The following PCDHGB1 variants were observed in gnomAD, a reference collection of about 807,000 sequenced individuals.
The protein encoded by PCDHGB1 is protocadherin gamma-B1.
PCDHGB1 carries 34 observed loss-of-function variants against 56.6 expected under a neutral mutation model. The observed-to-expected ratio is 0.60, with a 90% confidence interval of 0.46 to 0.80. PCDHGB1 has a LOEUF of 0.80. Among genes scored for constraint, PCDHGB1 ranks in the 30% least tolerant of loss-of-function variants. PCDHGB1 has a pLI of 0.00. For synonymous variants in PCDHGB1, 561 were observed against 505.9 expected (o/e 1.11, Z -1.46); for missense variants, 1,278 against 1,204.6 (o/e 1.06, Z -0.90).
At chr5:141,460,951 G>GTATATATATA (rs200454978) in intron 1 of PCDHGB1, among the ~76,000 whole-genome samples, 1 of 139,722 alleles carries the variant, frequency 7.2e-6, no homozygotes, top group African/African-American at 2.8e-5. Context: ...TATGTATTAT[G>GTATATATATA]TATATATATA....
rs747588958 is a variant in PCDHGB1 at position 141,370,424 on chromosome 5, A to C, written c.2409+17755A>C. 5 of 1,587,984 alleles carry C rather than the reference A, an allele frequency of 3.1e-6. No individual in the cohort carries two copies. The South Asian group carries it at 4.6e-5, about 15-fold the overall frequency. The stretch of plus-strand genomic sequence containing the variant: ...GAAATAGCTCCGGATGGAGGGGCCC[A>C]GCAGGGCAGAGGCGAATGCTATTTC... On this transcript the variant is annotated intron_variant, in intron 1 of 3. Transcript: ENST00000523390.
chr5:141,491,243 ATGAGGACCC>A lies in PCDHGB1; in HGVS notation c.2410-3557_2410-3549del. 1 of 1,614,200 alleles carries A rather than the reference ATGAGGACCC, an allele frequency of 6.2e-7. No individual in the cohort carries two copies. Among genetic ancestry groups the A allele is most frequent in the African/African-American group, 1.3e-5 (1 of 75,056 alleles). ...GCCACAGTGCTGCTGGTTCTGGAGG[ATGAGGACCC>A]TGAGGAAATGCCCAAATCCAGTGAC... On this transcript the variant is annotated intron_variant, in intron 1 of 3. Coordinates refer to ENST00000523390, the MANE Select transcript of PCDHGB1 (RefSeq NM_018922.3). This position sits in a 1 kb window ranked among gnomAD's most constrained non-coding sequence, Gnocchi z 6.9.
chr5:141,491,503 G>C lies in PCDHGB1; in HGVS notation c.2410-3304G>C. On this transcript the variant is annotated intron_variant, in intron 1 of 3. Coordinates refer to ENST00000523390, the MANE Select transcript of PCDHGB1 (RefSeq NM_018922.3). The surrounding 1 kb of genome is among the most constrained non-coding windows in gnomAD (Gnocchi z 6.9). ...CCCCAACCTGCAGGTGAGCTCGGACGGCACGCTCAAGTACATGGAGGTGAC... is the reference window on the plus strand; with the variant it reads ...CCCCAACCTGCAGGTGAGCTCGGACCGCACGCTCAAGTACATGGAGGTGAC... The C allele has an allele frequency of 6.2e-7, 1 of 1,614,030 alleles. No homozygotes were observed.
chr5:141,405,327 G>A, intron 1 of PCDHGB1: 1 of 1,614,166 alleles, frequency 6.2e-7, no homozygotes. Flanking sequence ...GAGCCTTTGT[G>A]CGTCTCTGTT....
At chr5:141,387,782 A>C in intron 1 of PCDHGB1, 2 of 1,466,298 alleles carry the variant, frequency 1.4e-6, no homozygotes, top group Non-Finnish European at 1.8e-6. Context: ...TTGAACTGGA[A>C]CTGCAACTAA....
At position 141,493,904 on chromosome 5, in the gene PCDHGB1, G is replaced by A. The variant is rs1204744465; in HGVS notation, c.2410-903G>A. Among the ~76,000 whole-genome samples, 1 of 152,216 alleles carries A rather than the reference G, an allele frequency of 6.6e-6. No individual in the cohort carries two copies. Among genetic ancestry groups the A allele is most frequent in the Non-Finnish European group, 1.5e-5 (1 of 68,028 alleles). On this transcript the variant is annotated intron_variant, in intron 1 of 3. Transcript: ENST00000523390. The surrounding 1 kb of genome is among the most constrained non-coding windows in gnomAD (Gnocchi z 4.3). ...GGCTCTAGGAGTGCTCCATGAGAGT[G>A]TGTGATGGGATAACACACCCCCTGG...
chr5:141,409,997 G>T, intron 1 of PCDHGB1: 3 of 1,613,224 alleles, frequency 1.9e-6, no homozygotes, highest in Non-Finnish European at 2.5e-6. Flanking sequence ...CGCCGACTCG[G>T]GACACAACGC....
chr5:141,406,415 GC>G (rs2094806009), intron 1 of PCDHGB1, among the ~76,000 whole-genome samples: 1 of 152,164 alleles, frequency 6.6e-6, no homozygotes, highest in Non-Finnish European at 1.5e-5. Flanking sequence ...ACAGCTGAAA[GC>G]CCAGATTTAT....
chr5:141,439,676 G>A (rs543598257), intron 1 of PCDHGB1, among the ~76,000 whole-genome samples: 27 of 152,292 alleles, frequency 1.8e-4, no homozygotes, highest in Admixed American at 1.0e-3. Flanking sequence ...GCAAATCCAA[G>A]AGCAGACCCA....
At position 141,366,470 on chromosome 5, in the gene PCDHGB1, C is replaced by T. The variant is rs374198651; in HGVS notation, c.2409+13801C>T. 3.1e-6 allele frequency: 5 copies of T among 1,614,136 alleles called. No individual in the cohort carries two copies. In the African/African-American group the frequency reaches 6.7e-5, roughly 22 times the overall value. On this transcript the variant is annotated intron_variant, in intron 1 of 3. Transcript: ENST00000523390. ...GGCCTTCGTCATCGTGCTGCTGGTG[C>T]TCAGACTGAGGCGCTGGCACAAGTC...
intron 1 of PCDHGB1, chr5:141,389,189 C>CATCA: frequency 6.2e-7 from 1 of 1,614,032 alleles, no homozygotes; most frequent in Non-Finnish European, 8.5e-7. Context: ...CCAGTTCCAG[C>CATCA]ATCACCCTGC....
intron 1 of PCDHGB1, among the ~76,000 whole-genome samples, chr5:141,450,335 T>A (rs1054670037): frequency 1.3e-5 from 2 of 152,158 alleles, no homozygotes; most frequent in African/African-American, 4.8e-5. Context: ...CTCTTTAATC[T>A]ACTTTAATCT....
At chr5:141,355,635 T>C in intron 1 of PCDHGB1, 1 of 1,613,928 alleles carries the variant, frequency 6.2e-7, no homozygotes, top group Non-Finnish European at 8.5e-7. Flanking sequence ...TTGCTGAAAA[T>C]GAAAATCCTG....
chr5:141,388,396 A>C, intron 1 of PCDHGB1: 2 of 1,614,014 alleles, frequency 1.2e-6, no homozygotes, highest in Non-Finnish European at 1.7e-6. Flanking sequence ...CAGAATTACC[A>C]ACTCAGTCCC....
chr5:141,442,149 T>C, intron 1 of PCDHGB1: 1 of 159,274 alleles, frequency 6.3e-6, no homozygotes, highest in Non-Finnish European at 1.4e-5. Flanking sequence ...CTGCCAGACC[T>C]CAGCGATCAC....
intron 1 of PCDHGB1, chr5:141,441,917 A>G (rs979307331): frequency 3.1e-5 from 11 of 352,364 alleles, no homozygotes; most frequent in African/African-American, 2.0e-4. Context: ...GATGTGAGAC[A>G]CAATGCGTGG....
intron 1 of PCDHGB1, among the ~76,000 whole-genome samples, chr5:141,363,275 AT>A (rs1762863726): frequency 6.6e-6 from 1 of 152,224 alleles, no homozygotes; most frequent in Admixed American, 6.5e-5. Flanking sequence ...TTGCTTTTGA[AT>A]TTCCTAATTA....
chr5:141,360,143 C>A, intron 1 of PCDHGB1: 2 of 1,594,882 alleles, frequency 1.3e-6, no homozygotes, highest in Non-Finnish European at 8.6e-7. Context: ...AAGATGAAAG[C>A]GAGCTCAGGG....
chr5:141,388,577 A>G, intron 1 of PCDHGB1: 1 of 1,613,868 alleles, frequency 6.2e-7, no homozygotes, highest in East Asian at 2.2e-5. Context: ...TACACGTTCT[A>G]GTGACTGATG....
Sources: allele counts gnomAD v4.1 joint callset (sites outside exome capture counted in the v4.1 genomes callset), GRCh38; gene constraint gnomAD v4.1.1; non-coding constraint Gnocchi (gnomAD v3.1); transcripts MANE v1.5; gene names NCBI Gene and HGNC (gene_info 2026-07-23, HGNC 2026-07-21).